The following CUX2 variants were observed in gnomAD, a reference collection of about 807,000 sequenced individuals.
The protein encoded by CUX2 is homeobox protein cut-like 2.
In CUX2, 40 loss-of-function variants were observed where a neutral mutation model predicts 144.8. That is an observed-to-expected ratio of 0.28 (90% CI 0.21 to 0.36). The LOEUF (loss-of-function observed/expected upper bound fraction) is 0.36, where lower values mean the gene tolerates loss of function less well. CUX2 is among the 10% of genes least tolerant of loss of function. The probability of loss-of-function intolerance (pLI) is 1.00; values close to 1 mark genes in which losing one functional copy is unlikely to be tolerated. For synonymous variants in CUX2, 827 were observed against 875.6 expected (o/e 0.94, Z 0.98); for missense variants, 1,615 against 1,994.0 (o/e 0.81, Z 3.62).
intron 1 of CUX2, among the ~76,000 whole-genome samples, chr12:111,070,891 C>T (rs1040053702): frequency 4.6e-5 from 7 of 152,164 alleles, no homozygotes; most frequent in Admixed American, 2.0e-4. Flanking sequence ...GCTTTTTTCA[C>T]TTAACAACCT....
At chr12:111,204,071 C>A (rs1295491329) in intron 1 of CUX2, among the ~76,000 whole-genome samples, 1 of 152,192 alleles carries the variant, frequency 6.6e-6, no homozygotes, top group Non-Finnish European at 1.5e-5. Flanking sequence ...AGTCCACCAG[C>A]CTGTCGTCCT....
chr12:111,136,750 T>C (rs1338848046), intron 1 of CUX2, among the ~76,000 whole-genome samples: 1 of 152,186 alleles, frequency 6.6e-6, no homozygotes, highest in African/African-American at 2.4e-5. Flanking sequence ...GGTTTGGATC[T>C]CTGGGAGCCT....
At chr12:111,088,371 C>A (rs1872362416) in intron 1 of CUX2, among the ~76,000 whole-genome samples, 1 of 152,122 alleles carries the variant, frequency 6.6e-6, no homozygotes, top group African/African-American at 2.4e-5. Context: ...GGATTGCAGG[C>A]ATGGGAGCTA....
rs1160178382 is a variant in CUX2 at position 111,246,169 on chromosome 12, AATG to A, written c.223-17589_223-17587del. Among the ~76,000 whole-genome samples the A allele has an allele frequency of 6.6e-6, 1 of 152,170 alleles. No individual in the cohort carries two copies. On this transcript the variant is annotated intron_variant, in intron 3 of 21. Transcript: ENST00000261726. This position sits in a 1 kb window ranked among gnomAD's most constrained non-coding sequence, Gnocchi z 4.0. The stretch of plus-strand genomic sequence containing the variant: ...TCAGTTTCCTCATCTGGAAAGTAGA[AATG>A]ATAACCGCACCTGCCACTGGTGTGA...
At chr12:111,120,011 T>C (rs1874547057) in intron 1 of CUX2, among the ~76,000 whole-genome samples, 1 of 152,026 alleles carries the variant, frequency 6.6e-6, no homozygotes, top group Non-Finnish European at 1.5e-5. Flanking sequence ...TGAGTCAAGA[T>C]CGCGGCACTG....
chr12:111,216,421 T>C (rs1014698422), intron 2 of CUX2, among the ~76,000 whole-genome samples: 2 of 152,334 alleles, frequency 1.3e-5, no homozygotes, highest in East Asian at 1.9e-4. Flanking sequence ...TTTTATTTAG[T>C]CTGTAAAGTC....
intron 4 of CUX2, among the ~76,000 whole-genome samples, chr12:111,267,443 G>A (rs73197986): frequency 3.0e-4 from 45 of 152,276 alleles, no homozygotes; most frequent in Non-Finnish European, 4.6e-4. Context: ...GCACAGAGAG[G>A]TTGAGCCCGA....
intron 4 of CUX2, among the ~76,000 whole-genome samples, chr12:111,279,574 G>A (rs1885025601): frequency 6.6e-6 from 1 of 152,242 alleles, no homozygotes; most frequent in Non-Finnish European, 1.5e-5. Flanking sequence ...TAAAATCCCA[G>A]CACTTTGGGA....
At chr12:111,145,476 C>T (rs1291875957) in intron 1 of CUX2, among the ~76,000 whole-genome samples, 5 of 152,192 alleles carry the variant, frequency 3.3e-5, no homozygotes, top group Non-Finnish European at 7.3e-5. Context: ...TCAAGCAATC[C>T]TCCCACCTCA....
chr12:111,063,328 C>G (rs1371241372), intron 1 of CUX2, among the ~76,000 whole-genome samples: 1 of 152,208 alleles, frequency 6.6e-6, no homozygotes, highest in East Asian at 1.9e-4. Context: ...CAACAGCAAG[C>G]AAACACCCCC....
At chr12:111,238,835 A>G (rs1882885458) in intron 3 of CUX2, among the ~76,000 whole-genome samples, 1 of 152,154 alleles carries the variant, frequency 6.6e-6, no homozygotes. Context: ...ACTTTAGGTC[A>G]GGCGTTTGCA....
At position 111,348,046 on chromosome 12, in the gene CUX2, A is replaced by G. The variant is rs771270781; in HGVS notation, c.4182A>G (p.Ser1394=). Residue 1394 remains serine, a synonymous_variant, in exon 22 of 22, where the codon TCA becomes TCG. Transcript: ENST00000261726. The stretch of plus-strand genomic sequence containing the variant: ...CCTCACGCTGCAGCCTGGAGGTGTC[A>G]CTGAACTCGCCCTCGGCCGCCTCCT... ...SESSRCSLEV[S]LNSPSAASSP... 6.2e-7 allele frequency: 1 copy of G among 1,614,064 alleles called. No homozygotes were observed. Among genetic ancestry groups the G allele is most frequent in the South Asian group, 1.1e-5 (1 of 91,072 alleles).
intron 1 of CUX2, among the ~76,000 whole-genome samples, chr12:111,107,616 C>G (rs1873691131): frequency 6.6e-6 from 1 of 152,164 alleles, no homozygotes; most frequent in Non-Finnish European, 1.5e-5. Flanking sequence ...TGCCCGTCCT[C>G]TAGGTGAGGG....
intron 21 of CUX2, among the ~76,000 whole-genome samples, chr12:111,344,381 T>A (rs149753057): frequency 6.6e-6 from 1 of 152,244 alleles, no homozygotes; most frequent in African/African-American, 2.4e-5. Context: ...AAGGGAATTC[T>A]GCCTGGGGAG....
chr12:111,301,858 C>T (rs780986619), intron 9 of CUX2, among the ~76,000 whole-genome samples: 2 of 152,208 alleles, frequency 1.3e-5, no homozygotes, highest in Admixed American at 1.3e-4. Flanking sequence ...GTCTCACCCA[C>T]CCTTGATGTC....
At chr12:111,344,610 A>C (rs1026994773) in intron 21 of CUX2, among the ~76,000 whole-genome samples, 2 of 152,198 alleles carry the variant, frequency 1.3e-5, no homozygotes, top group South Asian at 4.1e-4. Context: ...TTCCCACTGG[A>C]GGGAGCTGAG....
At chr12:111,315,942 C>T (rs769929333) in intron 16 of CUX2, among the ~76,000 whole-genome samples, 1 of 152,096 alleles carries the variant, frequency 6.6e-6, no homozygotes. Flanking sequence ...TATGATCATG[C>T]GATGCATGTA....
chr12:111,202,645 G>A (rs762739452), intron 1 of CUX2, among the ~76,000 whole-genome samples: 3 of 152,152 alleles, frequency 2.0e-5, no homozygotes, highest in Non-Finnish European at 4.4e-5. Context: ...TGACCCAAAC[G>A]GACAAAGTCC....
At chr12:111,050,534 T>C (rs999762460) in intron 1 of CUX2, among the ~76,000 whole-genome samples, 5 of 152,208 alleles carry the variant, frequency 3.3e-5, no homozygotes, top group South Asian at 4.1e-4. Flanking sequence ...AGGGTCTTCA[T>C]CTTAGGGATG....
Sources: gnomAD v4.1 joint callset for allele counts (sites outside exome capture counted in the v4.1 genomes callset) on GRCh38, gnomAD v4.1.1 for gene constraint, Gnocchi (gnomAD v3.1) non-coding constraint, MANE v1.5 for transcripts, NCBI Gene and HGNC (gene_info 2026-07-23, HGNC 2026-07-21) for gene names.